Variants in ARID1B observed in about 807,000 individuals in gnomAD.
ARID1B encodes the protein AT-rich interaction domain 1B, also known as AT-rich interactive domain-containing protein 1B.
A neutral mutation model predicts 212.3 loss-of-function variants in ARID1B; 30 were observed. The observed-to-expected ratio is 0.14, with a 90% CI of 0.11 to 0.19. The LOEUF (loss-of-function observed/expected upper bound fraction) is 0.19. ARID1B is among the 10% of genes least tolerant of loss of function. ARID1B has a pLI of 1.00. For synonymous variants in ARID1B, 1,402 were observed against 1,301.7 expected, an observed-to-expected ratio of 1.08 and a Z score of -1.66; for missense variants, 2,891 against 3,204.0, an observed-to-expected ratio of 0.90 and a Z score of 2.36.
intron 2 of ARID1B, among the ~76,000 whole-genome samples, chr6:156,836,489 A>C (rs1783521178): frequency 6.6e-6 from 1 of 152,200 alleles, no homozygotes; most frequent in Admixed American, 6.5e-5. Flanking sequence ...GCCCAGAACC[A>C]GGAGCTGGGA....
chr6:156,912,821 C>A (rs376190534), intron 3 of ARID1B, among the ~76,000 whole-genome samples: 2 of 152,182 alleles, frequency 1.3e-5, no homozygotes, highest in African/African-American at 4.8e-5. Context: ...CCATCCATTT[C>A]TCTGTCCTTC....
At chr6:156,865,004 G>C (rs1277737667) in intron 2 of ARID1B, among the ~76,000 whole-genome samples, 1 of 152,018 alleles carries the variant, frequency 6.6e-6, no homozygotes. Context: ...ATAACTGTCT[G>C]TCTCTCCTTG....
chr6:156,996,168 G>A (rs755683909), intron 4 of ARID1B, among the ~76,000 whole-genome samples: 37 of 152,176 alleles, frequency 2.4e-4, no homozygotes, highest in Non-Finnish European at 3.8e-4. Context: ...AAGCTTGGGT[G>A]GTAAGGAGTA....
At chr6:156,783,019 A>T (rs1779386647) in intron 1 of ARID1B, among the ~76,000 whole-genome samples, 1 of 151,630 alleles carries the variant, frequency 6.6e-6, no homozygotes, top group African/African-American at 2.4e-5. Flanking sequence ...GACAGCTATC[A>T]CTTAGGTTTA....
At chr6:156,926,707 G>C (rs1462571532) in intron 3 of ARID1B, among the ~76,000 whole-genome samples, 1 of 152,064 alleles carries the variant, frequency 6.6e-6, no homozygotes, top group Non-Finnish European at 1.5e-5. Context: ...TTTTGAGAAG[G>C]AGTCTCTCTC....
At chr6:156,857,926 G>A (rs751986716) in intron 2 of ARID1B, among the ~76,000 whole-genome samples, 2 of 152,234 alleles carry the variant, frequency 1.3e-5, no homozygotes, top group Non-Finnish European at 2.9e-5. Flanking sequence ...GCAAGTGTTT[G>A]TGCGTCAACA....
At chr6:157,091,837 A>G (rs1217916417) in intron 5 of ARID1B, among the ~76,000 whole-genome samples, 1 of 152,226 alleles carries the variant, frequency 6.6e-6, no homozygotes, top group Non-Finnish European at 1.5e-5. Context: ...TCGTTTCGTG[A>G]TGACATTAGC....
intron 4 of ARID1B, among the ~76,000 whole-genome samples, chr6:156,967,649 G>C (rs887378258): frequency 2.0e-5 from 3 of 151,946 alleles, no homozygotes; most frequent in African/African-American, 7.3e-5. Flanking sequence ...AATCTGTTAT[G>C]GTTTACCTTA....
At chr6:157,082,294 TC>T (rs2128456795) in intron 4 of ARID1B, among the ~76,000 whole-genome samples, 1 of 152,296 alleles carries the variant, frequency 6.6e-6, no homozygotes, top group South Asian at 2.1e-4. Flanking sequence ...GTTCTTTAAA[TC>T]AGGGGTCAGC....
At chr6:156,910,482 T>C (rs1211623773) in intron 3 of ARID1B, among the ~76,000 whole-genome samples, 1 of 152,208 alleles carries the variant, frequency 6.6e-6, no homozygotes, top group Non-Finnish European at 1.5e-5. Context: ...TCCTCTCCTT[T>C]TCCCTGTTCT....
intron 1 of ARID1B, among the ~76,000 whole-genome samples, chr6:156,826,905 A>T (rs1283561483): frequency 6.6e-6 from 1 of 151,694 alleles, no homozygotes; most frequent in Non-Finnish European, 1.5e-5. Flanking sequence ...CTGTGGGTTC[A>T]TTTTCCCTTT....
At chr6:156,882,043 G>C (rs1787141260) in intron 2 of ARID1B, among the ~76,000 whole-genome samples, 1 of 152,084 alleles carries the variant, frequency 6.6e-6, no homozygotes, top group Non-Finnish European at 1.5e-5. Flanking sequence ...TGCCTAGCAT[G>C]GCCCTGGGAA....
chr6:157,152,761 TG>T (rs1790296701), intron 8 of ARID1B, among the ~76,000 whole-genome samples: 1 of 152,260 alleles, frequency 6.6e-6, no homozygotes, highest in South Asian at 2.1e-4. Flanking sequence ...CTTTGATTTT[TG>T]TTCCCCCATT....
At chr6:157,157,314 C>T (rs946785341) in intron 8 of ARID1B, among the ~76,000 whole-genome samples, 4 of 152,162 alleles carry the variant, frequency 2.6e-5, no homozygotes, top group African/African-American at 9.7e-5. Context: ...AGCATTAAAG[C>T]GCACCCATCA....
At chr6:157,024,967 G>A (rs992881666) in intron 4 of ARID1B, among the ~76,000 whole-genome samples, 1 of 152,174 alleles carries the variant, frequency 6.6e-6, no homozygotes, top group African/African-American at 2.4e-5. Flanking sequence ...TTTCATGACT[G>A]CGCTTGTACA....
At chr6:156,930,821 A>G (rs1251337516) in intron 3 of ARID1B, among the ~76,000 whole-genome samples, 1 of 152,218 alleles carries the variant, frequency 6.6e-6, no homozygotes, top group Non-Finnish European at 1.5e-5. Context: ...CTCTAGTTGT[A>G]TATAAAGGAA....
chr6:156,777,170 C>T, upstream of ARID1B: 1 of 151,800 alleles, frequency 6.6e-6, no homozygotes, highest in East Asian at 1.9e-4. Flanking sequence ...GTTCCGGCCG[C>T]CCCACGCCGC....
intron 4 of ARID1B, among the ~76,000 whole-genome samples, chr6:156,947,164 A>G (rs745506874): frequency 1.3e-5 from 2 of 152,216 alleles, no homozygotes; most frequent in Non-Finnish European, 2.9e-5. Context: ...GTTGGGACTC[A>G]GGCTAGTCTT....
At chr6:157,130,003 T>C (rs1273707362) in intron 6 of ARID1B, among the ~76,000 whole-genome samples, 1 of 152,112 alleles carries the variant, frequency 6.6e-6, no homozygotes, top group Non-Finnish European at 1.5e-5. Flanking sequence ...ACCCCGTCTC[T>C]ACTAAAAGTA....
Sources: gnomAD v4.1 joint callset for allele counts (sites outside exome capture counted in the v4.1 genomes callset) on GRCh38, gnomAD v4.1.1 for gene constraint, MANE v1.5 for transcripts, NCBI Gene and HGNC (gene_info 2026-07-23, HGNC 2026-07-21) for gene names.